NFKB1: variants seen among roughly 807,000 people sequenced by gnomAD.
NFKB1 encodes nuclear factor kappa B subunit 1.
A neutral mutation model predicts 105.1 loss-of-function variants in NFKB1; 9 were observed. The ratio of observed to expected loss-of-function variants is 0.09; its 90% CI spans 0.05 to 0.15. The LOEUF is 0.15. Ranked by LOEUF, NFKB1 falls within the 10% of genes least tolerant of loss-of-function variation. The probability of loss-of-function intolerance (pLI) is 1.00; values close to 1 mark genes in which losing one functional copy is unlikely to be tolerated. For synonymous variants in NFKB1, 440 were observed against 442.2 expected, an observed-to-expected ratio of 1.00 and a Z score of 0.06; for missense variants, 830 against 1,203.7, an observed-to-expected ratio of 0.69 and a Z score of 4.59.
At chr4:102,512,335 T>C (rs1578704210) in intron 1 of NFKB1, among the ~76,000 whole-genome samples, 1 of 151,966 alleles carries the variant, frequency 6.6e-6, no homozygotes, top group South Asian at 2.1e-4. Flanking sequence ...TCTGTATGTG[T>C]GTTGTTTTGT....
intron 23 of NFKB1, 104 bp from the exon 24 acceptor site, chr4:102,616,330 G>A (rs539689308): frequency 8.0e-7 from 1 of 1,249,884 alleles, no homozygotes; most frequent in South Asian, 1.4e-5. Context: ...TAGGTGGGAT[G>A]TGTGGCTGGC....
chr4:102,586,218 A>C (rs1371333880), intron 11 of NFKB1, among the ~76,000 whole-genome samples: 2 of 152,174 alleles, frequency 1.3e-5, no homozygotes, highest in Non-Finnish European at 2.9e-5. Flanking sequence ...ACTGTGATAC[A>C]GTGATACTGT....
chr4:102,597,502 G>A lies in NFKB1; in HGVS notation c.1496-18G>A, dbSNP rs375098912. The A allele has an allele frequency of 2.2e-5, 35 of 1,597,314 alleles. No individual in the cohort carries two copies. In the African/African-American group the frequency reaches 4.3e-4, roughly 20 times the overall value. On this transcript the variant is annotated intron_variant, in intron 14 of 23. Coordinates refer to ENST00000226574, the MANE Select transcript of NFKB1 (RefSeq NM_003998.4). ...AAAGTAGGAACACTCAACTATGATTGTGGTCATTGCCTTACAGATAACCTC... is the reference window on the plus strand; with the variant it reads ...AAAGTAGGAACACTCAACTATGATTATGGTCATTGCCTTACAGATAACCTC...
intron 6 of NFKB1, among the ~76,000 whole-genome samples, chr4:102,572,508 AAAAC>A (rs1156776502): frequency 1.3e-5 from 2 of 152,188 alleles, no homozygotes; most frequent in African/African-American, 4.8e-5. Flanking sequence ...GGGCAAAAAT[AAAAC>A]AAAAAAGAAA....
At chr4:102,503,976 A>G (rs956068052) in intron 1 of NFKB1, among the ~76,000 whole-genome samples, 2 of 152,186 alleles carry the variant, frequency 1.3e-5, no homozygotes, top group African/African-American at 4.8e-5. Context: ...TGGCAGCTAC[A>G]TGAATGTTGG....
At chr4:102,551,993 C>T (rs997974403) in intron 5 of NFKB1, among the ~76,000 whole-genome samples, 2 of 152,132 alleles carry the variant, frequency 1.3e-5, no homozygotes, top group African/African-American at 4.8e-5. Flanking sequence ...ATAACAGACT[C>T]AACATGAACC....
At chr4:102,516,250 T>A (rs1297597918) in intron 1 of NFKB1, among the ~76,000 whole-genome samples, 1 of 152,154 alleles carries the variant, frequency 6.6e-6, no homozygotes, top group African/African-American at 2.4e-5. Flanking sequence ...TTTGTCTTTA[T>A]CCAGCAGAGA....
intron 6 of NFKB1, among the ~76,000 whole-genome samples, chr4:102,568,538 A>G (rs1724064287): frequency 6.6e-6 from 1 of 152,130 alleles, no homozygotes; most frequent in South Asian, 2.1e-4. Context: ...GATTTATTCC[A>G]GTAGGGTTCT....
intron 20 of NFKB1, 51 bp from the exon 21 acceptor site, chr4:102,611,993 C>A: frequency 6.9e-7 from 1 of 1,448,428 alleles, no homozygotes; most frequent in Non-Finnish European, 9.7e-7. Context: ...ACAGACTGCC[C>A]TAGTGGTCCC....
Position 102,612,565 on chromosome 4 carries a change from C to CT in NFKB1, c.2552dup (p.Ser852GlufsTer13). On this transcript the variant is annotated frameshift_variant, in exon 22 of 24. Transcript: ENST00000226574. LOFTEE classifies it high-confidence loss of function. ...GGGGATACTTAATAATGCCTTCCGGCTGAGTCCTGCTCCTTCCAAAACACT... is the reference window on the plus strand; with the variant it reads ...GGGGATACTTAATAATGCCTTCCGGCTTGAGTCCTGCTCCTTCCAAAACACT... 6.2e-7 allele frequency: 1 copy of CT among 1,613,926 alleles called. No homozygotes were observed. The highest frequency in any genetic ancestry group is 8.5e-7 in the Non-Finnish European group (1 of 1,180,012).
chr4:102,606,658 A>C lies in NFKB1; in HGVS notation c.1915A>C (p.Lys639Gln), dbSNP rs764897996. 1 of 1,614,230 alleles carries C rather than the reference A, an allele frequency of 6.2e-7. No individual in the cohort carries two copies. The highest frequency in any genetic ancestry group is 8.5e-7 in the Non-Finnish European group (1 of 1,180,026). Reference sequence around the variant, plus strand: ...AGTTCTCAGTATCTTACTCAAGCACAAAAAGGCAGCACTACTTCTTGACCA... The same window carrying C: ...AGTTCTCAGTATCTTACTCAAGCACCAAAAGGCAGCACTACTTCTTGACCA... ...DKVLSILLKH[K>Q]KAALLLDHPN... The change falls in exon 17 of 24, where the codon AAA becomes CAA. Residue 639 changes from lysine to glutamine, a missense_variant. Around this residue, in one of 8 missense-constraint regions of NFKB1, gnomAD observed 418 missense variants for 575.3 expected, o/e 0.73. Transcript: ENST00000226574.
rs530378931 is a variant in NFKB1 at position 102,604,274 on chromosome 4, A to AT, written c.1753-2220dup. On this transcript the variant is annotated intron_variant, in intron 16 of 23. Coordinates refer to ENST00000226574, the MANE Select transcript of NFKB1 (RefSeq NM_003998.4). ...ATTAAATGTACTTCTCTTGCCTTGC[A>AT]TTAACCTTTAAAATTTTTTTAATTT... Among the ~76,000 whole-genome samples, 249 of 152,336 alleles carry AT rather than the reference A, an allele frequency of 1.6e-3. 13 individuals carry two copies. The South Asian group carries it at 0.05, about 31-fold the overall frequency.
intron 1 of NFKB1, among the ~76,000 whole-genome samples, chr4:102,523,886 G>A (rs35726481): frequency 0.19 from 28,550 of 152,056 alleles, 3,165 homozygotes; most frequent in African/African-American, 0.3. Flanking sequence ...TAACTCCAAC[G>A]AAGTGTAGGG....
At chr4:102,609,158 CAAAA>C (rs372174091) in intron 19 of NFKB1, among the ~76,000 whole-genome samples, 1 of 97,358 alleles carries the variant, frequency 1.0e-5, no homozygotes, top group African/African-American at 3.6e-5. Flanking sequence ...GACCCTGTCT[CAAAA>C]AAAAAAAAGA....
At chr4:102,525,125 A>G (rs182949014) in intron 1 of NFKB1, among the ~76,000 whole-genome samples, 21 of 152,296 alleles carry the variant, frequency 1.4e-4, no homozygotes, top group Admixed American at 1.4e-3. Context: ...AGGGTTAGAA[A>G]ACAATACACT....
At chr4:102,590,232 G>A (rs1306544294) in intron 11 of NFKB1, among the ~76,000 whole-genome samples, 2 of 152,104 alleles carry the variant, frequency 1.3e-5, no homozygotes, top group Non-Finnish European at 2.9e-5. Context: ...CGTAAAAGAT[G>A]AACTTCCTAA....
chr4:102,584,009 A>G (rs1337533810), intron 10 of NFKB1, among the ~76,000 whole-genome samples: 1 of 152,204 alleles, frequency 6.6e-6, no homozygotes, highest in Non-Finnish European at 1.5e-5. Flanking sequence ...TTCATGCATA[A>G]AGAAATTCTG....
chr4:102,520,383 C>T (rs1184677564), intron 1 of NFKB1, among the ~76,000 whole-genome samples: 1 of 152,092 alleles, frequency 6.6e-6, no homozygotes, highest in Non-Finnish European at 1.5e-5. Flanking sequence ...GTGTATTATA[C>T]TCGGTGTTAA....
chr4:102,565,725 T>A (rs1723811665), intron 5 of NFKB1, among the ~76,000 whole-genome samples: 1 of 152,078 alleles, frequency 6.6e-6, no homozygotes, highest in African/African-American at 2.4e-5. Context: ...CTTTCCTCCT[T>A]CCTTTTCTAC....
Sources: gnomAD v4.1 joint callset for allele counts (sites outside exome capture counted in the v4.1 genomes callset) on GRCh38, gnomAD v4.1.1 for gene constraint, gnomAD v4.1.1 regional missense constraint, MANE v1.5 for transcripts, NCBI Gene and HGNC (gene_info 2026-07-23, HGNC 2026-07-21) for gene names.